The following METTL9 variants were observed in gnomAD, a reference collection of about 807,000 sequenced individuals.
METTL9 encodes the protein protein-L-histidine N-pros-methyltransferase.
In METTL9, 10 loss-of-function variants were observed where a neutral mutation model predicts 36.0. The observed-to-expected ratio is 0.28, with a 90% CI of 0.17 to 0.47. The LOEUF (loss-of-function observed/expected upper bound fraction) is 0.47. Among genes scored for constraint, METTL9 ranks in the 20% least tolerant of loss-of-function variants. METTL9 has a pLI of 0.99. For missense variants in METTL9, 246 were observed against 383.5 expected (o/e 0.64, Z 3.00); for synonymous variants, 175 against 149.7 (o/e 1.17, Z -1.23).
At chr16:21,623,383 C>T (rs1965749273) in intron 3 of METTL9, among the ~76,000 whole-genome samples, 1 of 152,080 alleles carries the variant, frequency 6.6e-6, no homozygotes, top group African/African-American at 2.4e-5. Flanking sequence ...TCAAAACAAC[C>T]CTCATTATAC....
chr16:21,656,790 T>G lies in METTL9; in HGVS notation c.*1358T>G, dbSNP rs550032325. 25 of 152,136 alleles carry G rather than the reference T, an allele frequency of 1.6e-4. No individual in the cohort carries two copies. The highest frequency in any genetic ancestry group is 3.2e-4 in the Non-Finnish European group (22 of 68,036). 9.4% of individuals were successfully genotyped at this position (152,136 alleles called of 1,614,324 possible). ...GCGAATTAAAACCTGAAGAATTACT[T>G]TATTATTCATTAAGAACTGCATTCC... On this transcript the variant is annotated 3_prime_UTR_variant, in exon 5 of 5. Transcript: ENST00000358154.
intron 4 of METTL9, among the ~76,000 whole-genome samples, chr16:21,649,902 T>C (rs1966523649): frequency 6.6e-6 from 1 of 151,842 alleles, no homozygotes; most frequent in Non-Finnish European, 1.5e-5. Context: ...AGAGACAGGG[T>C]TTTGCGATGT....
chr16:21,625,166 T>C lies in METTL9; in HGVS notation c.751+51T>C, dbSNP rs565511816. On this transcript the variant is annotated intron_variant, in intron 4 of 4. Coordinates refer to ENST00000358154, the MANE Select transcript of METTL9 (RefSeq NM_016025.5). ...CTTACTGAGGATAGCTGTTTATTGG[T>C]ATTTGTGATTTTGTGCTGTGTACAA... 30 of 1,590,474 alleles carry C rather than the reference T, an allele frequency of 1.9e-5. No individual in the cohort carries two copies. The South Asian group carries it at 3.2e-4, about 17-fold the overall frequency.
At chr16:21,639,340 C>T (rs1384830544) in intron 4 of METTL9, among the ~76,000 whole-genome samples, 1 of 152,174 alleles carries the variant, frequency 6.6e-6, no homozygotes, top group African/African-American at 2.4e-5. Context: ...CCTGGTTAGA[C>T]AATGAACAGT....
chr16:21,642,984 A>C, intron 4 of METTL9: 1 of 789,124 alleles, frequency 1.3e-6, no homozygotes, highest in Non-Finnish European at 2.1e-6. Context: ...CTGAAGGAAA[A>C]CATGGTTCTT....
rs576378678 is a variant in METTL9, at chr16:21,645,273, C to T, written c.752-9954C>T. On this transcript the variant is annotated intron_variant, in intron 4 of 4. Coordinates refer to ENST00000358154, the MANE Select transcript of METTL9 (RefSeq NM_016025.5). Reference sequence around the variant, plus strand: ...TTTGACACCAGCCTGGCCAACATGGCGAAACCCCATCTCTACTAAAAATAC... The same window carrying T: ...TTTGACACCAGCCTGGCCAACATGGTGAAACCCCATCTCTACTAAAAATAC... Among the ~76,000 whole-genome samples the T allele has an allele frequency of 5.9e-5, 9 of 152,132 alleles. No individual in the cohort carries two copies. The East Asian group carries it at 7.7e-4, about 13-fold the overall frequency.
Position 21,620,785 on chromosome 16 carries a change from A to G in METTL9, c.566+2711A>G, listed in dbSNP as rs142991706. 2.3e-3 allele frequency among the ~76,000 whole-genome samples: 355 copies of G among 152,252 alleles called. 3 individuals are homozygous for G. The highest frequency in any genetic ancestry group is 7.9e-3 in the African/African-American group (330 of 41,532). ...CACAAAAGTGGTAAATTTTGTGACT[A>G]TTGGTGCAGTTTGAGGTTTTAATGA... On this transcript the variant is annotated intron_variant, in intron 3 of 4. Coordinates refer to ENST00000358154, the MANE Select transcript of METTL9 (RefSeq NM_016025.5).
upstream of METTL9, among the ~76,000 whole-genome samples, chr16:21,597,618 T>C (rs73545867): frequency 0.022 from 3,340 of 152,304 alleles, 118 homozygotes; most frequent in African/African-American, 0.076. Flanking sequence ...GGTCTCACTC[T>C]ATAGCTGGGG....
In METTL9 at chr16:21,655,680, G is replaced by T. The variant is rs111602479; in HGVS notation, c.*248G>T. ...TACTCAGAGCCACTCTCCAATGCAG[G>T]TCACACTCCAATTATGATGGAAGAT... On this transcript the variant is annotated 3_prime_UTR_variant, in exon 5 of 5. Transcript: ENST00000358154. 9.1e-3 allele frequency: 3,857 copies of T among 425,462 alleles called. 52 individuals carry two copies. The highest frequency in any genetic ancestry group is 0.036 in the South Asian group (845 of 23,484). 26.4% of individuals were successfully genotyped at this position (425,462 alleles called of 1,614,324 possible).
chr16:21,605,254 C>CTTTTTTT (rs1555488566), intron 1 of METTL9, among the ~76,000 whole-genome samples: 1 of 41,796 alleles, frequency 2.4e-5, no homozygotes, highest in African/African-American at 8.9e-5. Flanking sequence ...ATAGGCTTGC[C>CTTTTTTT]TTCTTTTTTT....
intron 4 of METTL9, chr16:21,639,511 C>CA (rs1253660264): frequency 6.6e-6 from 1 of 152,188 alleles, no homozygotes; most frequent in Non-Finnish European, 1.5e-5. Flanking sequence ...CTAGTGGTCT[C>CA]AGAGTGGGGA....
At chr16:21,620,880 G>A (rs1298857635) in intron 3 of METTL9, among the ~76,000 whole-genome samples, 1 of 151,994 alleles carries the variant, frequency 6.6e-6, no homozygotes, top group African/African-American at 2.4e-5. Flanking sequence ...ACTTTCAGCT[G>A]AATTTTACAT....
chr16:21,646,616 A>C (rs1966435834), intron 4 of METTL9: 1 of 201,586 alleles, frequency 5.0e-6, no homozygotes, highest in Non-Finnish European at 1.0e-5. Context: ...CCAGCAAATC[A>C]CTGACTTTGT....
intron 3 of METTL9, 110 bp downstream of exon 3, chr16:21,618,184 A>G (rs778112458): frequency 2.5e-5 from 21 of 856,494 alleles, no homozygotes; most frequent in Non-Finnish European, 3.3e-5. Flanking sequence ...CATCTCATAC[A>G]TAATTAACTG....
chr16:21,606,748 A>G (rs1407123691), intron 1 of METTL9, among the ~76,000 whole-genome samples: 1 of 152,130 alleles, frequency 6.6e-6, no homozygotes, highest in Non-Finnish European at 1.5e-5. Context: ...GGTTTTAGGA[A>G]CTCTCTATCA....
At chr16:21,647,347 A>G in intron 4 of METTL9, 2 of 1,614,148 alleles carry the variant, frequency 1.2e-6, no homozygotes, top group Middle Eastern at 1.6e-4. Flanking sequence ...GCTGGTGAGC[A>G]CCGTAGCGAA....
upstream of METTL9, chr16:21,599,342 T>C (rs1395656183): frequency 2.1e-6 from 2 of 947,844 alleles, no homozygotes; most frequent in Admixed American, 6.1e-5. This position sits in a 1 kb window ranked among gnomAD's most constrained non-coding sequence, Gnocchi z 4.4. Context: ...TAAAACCACC[T>C]CCGCCATTTA....
intron 4 of METTL9, chr16:21,652,624 G>T: frequency 1.9e-6 from 3 of 1,588,212 alleles, no homozygotes; most frequent in African/African-American, 1.3e-5. Flanking sequence ...GGCGGGTTGG[G>T]GTGTGTATTT....
In METTL9 at chr16:21,624,918, C is replaced by T; in HGVS notation, c.567-13C>T. On this transcript the variant is annotated splice_polypyrimidine_tract_variant and intron_variant, in intron 3 of 4. Coordinates refer to ENST00000358154, the MANE Select transcript of METTL9 (RefSeq NM_016025.5). ...GGACTTTATGTTAATACAGTTATTT[C>T]TGATTTTTCTAGAGTCCTTGGTATA... is the stretch of plus-strand genomic sequence containing the variant. 6.2e-7 allele frequency: 1 copy of T among 1,611,152 alleles called. No individual in the cohort carries two copies. The highest frequency in any genetic ancestry group is 8.5e-7 in the Non-Finnish European group (1 of 1,177,808).
Sources: allele counts gnomAD v4.1 joint callset (sites outside exome capture counted in the v4.1 genomes callset), GRCh38; gene constraint gnomAD v4.1.1; non-coding constraint Gnocchi (gnomAD v3.1); transcripts MANE v1.5; gene names NCBI Gene and HGNC (gene_info 2026-07-23, HGNC 2026-07-21).